The following STAU1 variants were observed in gnomAD, a reference collection of about 807,000 sequenced individuals.
STAU1 encodes staufen double-stranded RNA binding protein 1.
Under a neutral mutation model 62.9 loss-of-function variants are expected in STAU1, and 13 were observed. The observed-to-expected ratio is 0.21, with a 90% CI of 0.13 to 0.33. The LOEUF (loss-of-function observed/expected upper bound fraction) is 0.33, where lower values mean the gene tolerates loss of function less well. STAU1 is among the 10% of genes least tolerant of loss of function. STAU1 has a pLI of 1.00. For missense variants in STAU1, 571 were observed against 712.1 expected (o/e 0.80, Z 2.25); for synonymous variants, 269 against 265.1 (o/e 1.01, Z -0.14).
intron 3 of STAU1, among the ~76,000 whole-genome samples, chr20:49,163,321 C>G (rs1054956623): frequency 6.6e-6 from 1 of 151,622 alleles, no homozygotes; most frequent in Non-Finnish European, 1.5e-5. Flanking sequence ...CTAGTCAGAC[C>G]CTGTCTCCTA....
chr20:49,197,718 A>T, the STAU1 span, among the ~76,000 whole-genome samples: 1 of 150,054 alleles, frequency 6.7e-6, no homozygotes, highest in Admixed American at 6.7e-5. Context: ...TTTCATTTTT[A>T]TTTTTTTCTT....
At chr20:49,196,140 A>G in the STAU1 span, among the ~76,000 whole-genome samples, 1 of 146,128 alleles carries the variant, frequency 6.8e-6, no homozygotes, top group African/African-American at 2.5e-5. Context: ...AAAAAGAAAG[A>G]AAGAGAAAAA....
chr20:49,149,337 C>T (rs558328171), intron 5 of STAU1, among the ~76,000 whole-genome samples: 1 of 151,980 alleles, frequency 6.6e-6, no homozygotes, highest in East Asian at 1.9e-4. Flanking sequence ...AAAACACACA[C>T]ACACACACCC....
At chr20:49,180,018 A>G (rs998456524) in intron 1 of STAU1, among the ~76,000 whole-genome samples, 6 of 152,360 alleles carry the variant, frequency 3.9e-5, no homozygotes, top group Admixed American at 1.3e-4. Flanking sequence ...AAGACTAACC[A>G]TAAGAGAAGA....
In STAU1 at chr20:49,153,710, C is replaced by CAAAAAAAAAAAAAAAAAAAAAA. The variant is rs145558067; in HGVS notation, c.344+201_344+222dup. 1.2e-3 allele frequency among the ~76,000 whole-genome samples: 82 copies of CAAAAAAAAAAAAAAAAAAAAAA among 67,596 alleles called. 1 individual carries two copies. Among genetic ancestry groups the CAAAAAAAAAAAAAAAAAAAAAA allele is most frequent in the Non-Finnish European group, 1.6e-3 (59 of 37,642 alleles). 44.3% of individuals were successfully genotyped at this position (67,596 alleles called of 152,430 possible). ...TGGGTGACAGAGCAAGACTCTGTCTCAAAAAAAAAAAAAAAAAAAAAAAAA... is the reference window on the plus strand; with the variant it reads ...TGGGTGACAGAGCAAGACTCTGTCTCAAAAAAAAAAAAAAAAAAAAAAAAAAAAAAAAAAAAAAAAAAAAAAA... On this transcript the variant is annotated intron_variant, in intron 4 of 13. Coordinates refer to ENST00000371856, the MANE Select transcript of STAU1 (RefSeq NM_017453.4).
chr20:49,153,149 C>G (rs1344935201), intron 4 of STAU1, among the ~76,000 whole-genome samples: 2 of 150,304 alleles, frequency 1.3e-5, no homozygotes, highest in African/African-American at 4.9e-5. Flanking sequence ...ACTTGGGAGG[C>G]TGAGGCAGGA....
rs2092241006 is a variant in STAU1, at chr20:49,113,829, TC to T, written c.*1048del. ...TTATATGGACTACATGGAGATCATATCCTGTAGTGTAGTGAAAGCTAAGTCC... is the reference window on the plus strand; with the variant it reads ...TTATATGGACTACATGGAGATCATATCTGTAGTGTAGTGAAAGCTAAGTCC... On this transcript the variant is annotated 3_prime_UTR_variant, in exon 14 of 14. Transcript: ENST00000371856. 6.6e-6 allele frequency: 1 copy of T among 152,658 alleles called. No homozygotes were observed. Among genetic ancestry groups the T allele is most frequent in the Non-Finnish European group, 1.5e-5 (1 of 68,042 alleles). The allele number at this position is 152,658 out of a possible 1,614,324, so 9.5% of individuals were successfully genotyped here.
chr20:49,115,586 C>T (rs2092300706), intron 13 of STAU1, among the ~76,000 whole-genome samples, 196 bp downstream of exon 13: 1 of 152,178 alleles, frequency 6.6e-6, no homozygotes, highest in Non-Finnish European at 1.5e-5. Flanking sequence ...CAGGTGTGAG[C>T]CGCTGTTCCC....
At chr20:49,141,777 A>T (rs1600705391) in intron 5 of STAU1, among the ~76,000 whole-genome samples, 2 of 152,146 alleles carry the variant, frequency 1.3e-5, no homozygotes, top group East Asian at 3.9e-4. Flanking sequence ...TCAAAAAAAG[A>T]GGCAATGAAG....
intron 1 of STAU1, among the ~76,000 whole-genome samples, chr20:49,176,823 T>A (rs552423175): frequency 1.3e-5 from 2 of 152,122 alleles, no homozygotes; most frequent in African/African-American, 4.8e-5. Flanking sequence ...AGAAGTTTTC[T>A]ATGTTGAACA....
chr20:49,181,766 C>CAAAAAAAAA (rs758956478), intron 1 of STAU1, among the ~76,000 whole-genome samples: 1 of 24,510 alleles, frequency 4.1e-5, no homozygotes, highest in Non-Finnish European at 7.1e-5. Context: ...ACTATCTCAA[C>CAAAAAAAAA]AAAAAAAAAA....
chr20:49,144,895 T>C (rs2093092389), intron 5 of STAU1, among the ~76,000 whole-genome samples: 1 of 152,166 alleles, frequency 6.6e-6, no homozygotes, highest in East Asian at 1.9e-4. Flanking sequence ...GAAATAATTA[T>C]GTGGAATAAC....
chr20:49,149,355 A>C (rs1343137209), intron 5 of STAU1, among the ~76,000 whole-genome samples: 1 of 150,262 alleles, frequency 6.7e-6, no homozygotes, highest in African/African-American at 2.4e-5. Flanking sequence ...CCCCCAAGCA[A>C]GTACAACAAA....
chr20:49,117,644 A>G lies in STAU1; in HGVS notation c.1509+133T>C. 1.1e-6 allele frequency: 1 copy of G among 870,222 alleles called. No individual in the cohort carries two copies. Among genetic ancestry groups the G allele is most frequent in the African/African-American group, 1.7e-5 (1 of 58,748 alleles). The allele number at this position is 870,222 out of a possible 1,614,324, so 53.9% of individuals were successfully genotyped here. ...CTTCTATACCTCCTACCCTTCCATC[A>G]CTGCTCCCCAGCCCATCCCTGGACA... On this transcript the variant is annotated intron_variant, in intron 11 of 13. Transcript: ENST00000371856. The surrounding 1 kb of genome is among the most constrained non-coding windows in gnomAD (Gnocchi z 4.6).
chr20:49,159,334 A>G (rs2093415555), intron 3 of STAU1, among the ~76,000 whole-genome samples: 1 of 152,220 alleles, frequency 6.6e-6, no homozygotes, highest in Non-Finnish European at 1.5e-5. Flanking sequence ...ATCACCCAAG[A>G]GAGAACAACT....
At chr20:49,143,747 A>C (rs2093060656) in intron 5 of STAU1, among the ~76,000 whole-genome samples, 1 of 152,214 alleles carries the variant, frequency 6.6e-6, no homozygotes, top group African/African-American at 2.4e-5. Context: ...ATAATTTACC[A>C]AATAAAAGGA....
the STAU1 span, chr20:49,210,365 T>C: frequency 2.4e-5 from 11 of 452,430 alleles, no homozygotes; most frequent in African/African-American, 6.0e-5. Flanking sequence ...GAAATCATTG[T>C]CCTTCAGGAA....
intron 6 of STAU1, chr20:49,134,573 GC>G: frequency 7.7e-7 from 1 of 1,299,192 alleles, no homozygotes; most frequent in Non-Finnish European, 1.1e-6. Context: ...CAAAGGACCT[GC>G]CCCCAGAGAG....
chr20:49,134,858 G>A lies in STAU1; in HGVS notation c.609+975C>T. On this transcript the variant is annotated intron_variant, in intron 6 of 13. Transcript: ENST00000371856. ...CAAACCTGCAAACAAACAGGAAGATGAAGTGATGAGAGCCTATTTACAACA... is the reference window on the plus strand; with the variant it reads ...CAAACCTGCAAACAAACAGGAAGATAAAGTGATGAGAGCCTATTTACAACA... The A allele has an allele frequency of 2.5e-6, 4 of 1,573,058 alleles. No homozygotes were observed. The South Asian group carries it at 4.4e-5, about 17-fold the overall frequency.
Sources: gnomAD v4.1 joint callset for allele counts (sites outside exome capture counted in the v4.1 genomes callset) on GRCh38, gnomAD v4.1.1 for gene constraint, Gnocchi (gnomAD v3.1) non-coding constraint, MANE v1.5 for transcripts, NCBI Gene and HGNC (gene_info 2026-07-23, HGNC 2026-07-21) for gene names.